CTNNA3: variants seen among roughly 807,000 people sequenced by gnomAD.
CTNNA3 encodes the protein catenin alpha 3, also known as catenin alpha-3.
CTNNA3 carries 76 observed loss-of-function variants against 95.7 expected under a neutral mutation model. The ratio of observed to expected loss-of-function variants is 0.79; its 90% CI spans 0.66 to 0.96. The LOEUF (loss-of-function observed/expected upper bound fraction) is 0.96, where lower values mean the gene tolerates loss of function less well. Among genes scored for constraint, CTNNA3 ranks in the 40% least tolerant of loss-of-function variants. CTNNA3 has a pLI of 0.00. For synonymous variants in CTNNA3, 431 were observed against 374.4 expected, an observed-to-expected ratio of 1.15 and a Z score of -1.74; for missense variants, 1,191 against 1,089.8, an observed-to-expected ratio of 1.09 and a Z score of -1.31.
chr10:67,190,924 T>C (rs542085694), intron 6 of CTNNA3, among the ~76,000 whole-genome samples: 7 of 152,082 alleles, frequency 4.6e-5, no homozygotes, highest in South Asian at 2.1e-4. Context: ...TTTTTAAAAA[T>C]AGGCCAATGA....
chr10:67,281,656 A>G (rs1043580250), intron 5 of CTNNA3, among the ~76,000 whole-genome samples: 3 of 152,170 alleles, frequency 2.0e-5, no homozygotes, highest in Non-Finnish European at 2.9e-5. Context: ...AGATACTTCA[A>G]TTTCATAGAT....
At chr10:67,558,087 C>G (rs971905297) in intron 3 of CTNNA3, among the ~76,000 whole-genome samples, 2 of 151,912 alleles carry the variant, frequency 1.3e-5, no homozygotes, top group African/African-American at 4.8e-5. Flanking sequence ...ATCTTTCCAA[C>G]CTTTCTAAAC....
At chr10:66,198,380 T>C (rs1028285497) in intron 13 of CTNNA3, among the ~76,000 whole-genome samples, 6 of 152,134 alleles carry the variant, frequency 3.9e-5, no homozygotes, top group Non-Finnish European at 7.4e-5. Context: ...TCATGGAAGA[T>C]TAATTATAAG....
At chr10:66,946,251 A>G (rs116372441) in intron 7 of CTNNA3, among the ~76,000 whole-genome samples, 1 of 152,194 alleles carries the variant, frequency 6.6e-6, no homozygotes, top group African/African-American at 2.4e-5. Context: ...TTGGAATCCA[A>G]TGATAATTAT....
At chr10:66,417,370 C>T (rs765946577) in intron 11 of CTNNA3, among the ~76,000 whole-genome samples, 30 of 151,842 alleles carry the variant, frequency 2.0e-4, no homozygotes, top group Non-Finnish European at 4.0e-4. Context: ...CTGGAACACC[C>T]GGATTCATAA....
At chr10:66,293,683 T>G (rs1035040638) in intron 12 of CTNNA3, among the ~76,000 whole-genome samples, 3 of 149,644 alleles carry the variant, frequency 2.0e-5, no homozygotes, top group Non-Finnish European at 3.0e-5. Context: ...TTTTTTTTTC[T>G]GAGATGAACT....
chr10:66,173,303 G>C (rs1175274792), intron 13 of CTNNA3, among the ~76,000 whole-genome samples: 3 of 152,104 alleles, frequency 2.0e-5, no homozygotes, highest in South Asian at 2.1e-4. Context: ...AAACAACACA[G>C]ATATAAAAGC....
At position 66,318,276 on chromosome 10, in the gene CTNNA3, A is replaced by ATATATGTGTG. The variant is rs33943741; in HGVS notation, c.1733-37656_1733-37655insCACACATATA. ...GTTGCTGGGAGATATATATATATATATGTGTGTGTGTGTGTGTGTGTGTGT... is the reference window on the plus strand; with the variant it reads ...GTTGCTGGGAGATATATATATATATATATATGTGTGTGTGTGTGTGTGTGTGTGTGTGTGT... On this transcript the variant is annotated intron_variant, in intron 12 of 17. Coordinates refer to ENST00000433211, the MANE Select transcript of CTNNA3 (RefSeq NM_013266.4). Among the ~76,000 whole-genome samples the ATATATGTGTG allele has an allele frequency of 5.7e-3, 781 of 136,636 alleles. 10 individuals are homozygous for ATATATGTGTG. Among genetic ancestry groups the ATATATGTGTG allele is most frequent in the East Asian group, 8.6e-3 (40 of 4,634 alleles). 89.6% of individuals were successfully genotyped at this position (136,636 alleles called of 152,430 possible).
rs529857222 is a variant in CTNNA3, at chr10:67,648,810, G to A, written c.-5-1292C>T. The A allele has an allele frequency of 1.0e-5, 13 of 1,287,390 alleles. No individual in the cohort carries two copies. The South Asian group carries it at 1.5e-4, about 15-fold the overall frequency. The allele number at this position is 1,287,390 out of a possible 1,614,324, so 79.7% of individuals were successfully genotyped here. A position where few individuals can be genotyped will look rare whatever the true frequency, so the allele number is the denominator to read the frequency against. ...TAGAAACATGGTCTCTTTTCTCAGC[G>A]ATTCAGCTGCAATGTAAGAGACACG... On this transcript the variant is annotated intron_variant, in intron 1 of 17. Transcript: ENST00000433211.
At chr10:67,429,538 T>C (rs1274409640) in intron 5 of CTNNA3, among the ~76,000 whole-genome samples, 4 of 152,032 alleles carry the variant, frequency 2.6e-5, no homozygotes, top group African/African-American at 9.7e-5. Flanking sequence ...ATAGAACTCA[T>C]TATTAGCTAG....
At chr10:66,372,284 A>C (rs767365715) in intron 12 of CTNNA3, among the ~76,000 whole-genome samples, 3 of 152,204 alleles carry the variant, frequency 2.0e-5, no homozygotes, top group Non-Finnish European at 4.4e-5. Flanking sequence ...CCATAGAGTA[A>C]ATCTGAATTA....
At chr10:66,699,599 C>T (rs1247946082) in intron 9 of CTNNA3, among the ~76,000 whole-genome samples, 1 of 151,750 alleles carries the variant, frequency 6.6e-6, no homozygotes, top group Non-Finnish European at 1.5e-5. Flanking sequence ...TGCACATGTG[C>T]ACATATACAT....
At chr10:67,003,927 T>C (rs1925615) in intron 7 of CTNNA3, among the ~76,000 whole-genome samples, 80,086 of 151,986 alleles carry the variant, frequency 0.53, 21,829 homozygotes, top group Middle Eastern at 0.73. Context: ...GCACATGTTT[T>C]TTATTGCATG....
At chr10:66,360,605 T>TTCTTTCTTTC (rs765109408) in intron 12 of CTNNA3, among the ~76,000 whole-genome samples, 113 of 52,798 alleles carry the variant, frequency 2.1e-3, no homozygotes, top group South Asian at 0.015. Context: ...CCTTCTTTCT[T>TTCTTTCTTTC]TCTTTCTTTC....
intron 5 of CTNNA3, among the ~76,000 whole-genome samples, chr10:67,470,658 C>A (rs952108416): frequency 6.6e-6 from 1 of 152,102 alleles, no homozygotes; most frequent in African/African-American, 2.4e-5. Flanking sequence ...CACACACACA[C>A]ACACACACAC....
At chr10:67,032,403 A>C (rs866932561) in intron 7 of CTNNA3, among the ~76,000 whole-genome samples, 2 of 152,160 alleles carry the variant, frequency 1.3e-5, no homozygotes, top group South Asian at 2.1e-4. Flanking sequence ...CAATAAAATC[A>C]TATTTAACGG....
At chr10:66,672,182 G>A (rs560986127) in intron 9 of CTNNA3, among the ~76,000 whole-genome samples, 11 of 152,048 alleles carry the variant, frequency 7.2e-5, no homozygotes, top group Admixed American at 5.2e-4. Flanking sequence ...TGTTTTCACC[G>A]CTACAAAGAT....
intron 2 of CTNNA3, among the ~76,000 whole-genome samples, chr10:67,609,111 C>CAA (rs1052947501): frequency 1.1e-5 from 1 of 93,470 alleles, no homozygotes; most frequent in African/African-American, 4.7e-5. Flanking sequence ...AAAAAAAAAA[C>CAA]AACCCATTTC....
chr10:66,565,310 G>C (rs1295295392), intron 10 of CTNNA3, among the ~76,000 whole-genome samples: 3 of 151,748 alleles, frequency 2.0e-5, no homozygotes, highest in Non-Finnish European at 4.4e-5. Flanking sequence ...GGATACATAA[G>C]AGATGGAGAG....
Sources: allele counts gnomAD v4.1 joint callset (sites outside exome capture counted in the v4.1 genomes callset), GRCh38; gene constraint gnomAD v4.1.1; transcripts MANE v1.5; gene names NCBI Gene and HGNC (gene_info 2026-07-23, HGNC 2026-07-21).